Variants in CAMK2G observed in about 807,000 individuals in gnomAD.
The protein encoded by CAMK2G is calcium/calmodulin dependent protein kinase II gamma, also known as calcium/calmodulin-dependent protein kinase type II subunit gamma.
Under a neutral mutation model 88.7 loss-of-function variants are expected in CAMK2G, and 23 were observed. The ratio of observed to expected loss-of-function variants is 0.26; its 90% CI spans 0.19 to 0.37. The LOEUF (loss-of-function observed/expected upper bound fraction) is 0.37. Ranked by LOEUF, CAMK2G falls within the 10% of genes least tolerant of loss-of-function variation. CAMK2G has a pLI of 1.00. For synonymous variants in CAMK2G, 263 were observed against 294.8 expected, an observed-to-expected ratio of 0.89 and a Z score of 1.11; for missense variants, 476 against 780.8, an observed-to-expected ratio of 0.61 and a Z score of 4.65.
intron 2 of CAMK2G, among the ~76,000 whole-genome samples, chr10:73,863,310 T>C (rs1223914265): frequency 6.6e-6 from 1 of 152,216 alleles, no homozygotes; most frequent in East Asian, 1.9e-4. Context: ...CCAGATCACC[T>C]GGCATCCCTT....
rs181285104 is a variant in CAMK2G, at chr10:73,820,799, A to T, written c.1249+883T>A. On this transcript the variant is annotated intron_variant, in intron 18 of 22. Transcript: ENST00000423381. ...GCGATTCTCCCACCTCCGCCTCCCG[A>T]GTAGCTACGATTACAGGCACCTGCC... Among the ~76,000 whole-genome samples, 95 of 149,994 alleles carry T rather than the reference A, an allele frequency of 6.3e-4. 1 individual carries two copies. In the East Asian group the frequency reaches 0.015, roughly 24 times the overall value.
At chr10:73,861,470 C>T (rs1053541960) in intron 2 of CAMK2G, among the ~76,000 whole-genome samples, 2 of 152,202 alleles carry the variant, frequency 1.3e-5, no homozygotes, top group Non-Finnish European at 2.9e-5. Context: ...ATTCTCCTGC[C>T]TCAGCCTCCC....
At chr10:73,869,623 T>C (rs1221899576) in intron 2 of CAMK2G, among the ~76,000 whole-genome samples, 1 of 152,244 alleles carries the variant, frequency 6.6e-6, no homozygotes, top group African/African-American at 2.4e-5. Context: ...GTGGCTGGCA[T>C]ACGTCAGGCA....
chr10:73,847,700 T>C (rs1565383075), intron 9 of CAMK2G, among the ~76,000 whole-genome samples: 1 of 152,204 alleles, frequency 6.6e-6, no homozygotes, highest in African/African-American at 2.4e-5. Flanking sequence ...TTTGTCCCTG[T>C]GTTACACAGC....
In CAMK2G at chr10:73,813,179, G is replaced by A. The variant is rs923241041; in HGVS notation, c.*1339C>T. 3 of 152,668 alleles carry A rather than the reference G, an allele frequency of 2.0e-5. No individual in the cohort carries two copies. Among genetic ancestry groups the A allele is most frequent in the African/African-American group, 7.2e-5 (3 of 41,448 alleles). The allele number at this position is 152,668 out of a possible 1,614,324, so 9.5% of individuals were successfully genotyped here. The stretch of plus-strand genomic sequence containing the variant: ...TTAGGGTATAGATCTCTTCCTCCTG[G>A]AATGGAACTCCTTGAGCACAGAGAG... On this transcript the variant is annotated 3_prime_UTR_variant, in exon 23 of 23. Coordinates refer to ENST00000423381, the MANE Select transcript of CAMK2G (RefSeq NM_001367534.1).
Position 73,842,625 on chromosome 10 carries a change from A to G in CAMK2G, c.820-84T>C. 1.0e-6 allele frequency: 1 copy of G among 990,420 alleles called. No homozygotes were observed. Among genetic ancestry groups the G allele is most frequent in the Non-Finnish European group, 1.6e-6 (1 of 621,696 alleles). The allele number at this position is 990,420 out of a possible 1,614,324, so 61.4% of individuals were successfully genotyped here. On this transcript the variant is annotated intron_variant, in intron 10 of 22. Coordinates refer to ENST00000423381, the MANE Select transcript of CAMK2G (RefSeq NM_001367534.1). The surrounding 1 kb of genome is among the most constrained non-coding windows in gnomAD (Gnocchi z 4.6). ...TCCTGGCACCGATACCATGCCCAGGACAGGGTCATGCACTCAGCCACCCCA... is the reference window on the plus strand; with the variant it reads ...TCCTGGCACCGATACCATGCCCAGGGCAGGGTCATGCACTCAGCCACCCCA...
chr10:73,874,397 T>C lies in CAMK2G; in HGVS notation c.65A>G (p.Lys22Arg). ...GGGGACCGCGGCGGGCGGGCCGTAC[T>C]TGCCAAGCTCCTCGAAGAGCTGGTA... ...DDYQLFEELG[K>R]GAFSVVRRCV... The change falls in exon 1 of 23, where the codon AAG becomes AGG. Residue 22 changes from lysine (K) to arginine (R), a missense_variant and splice_region_variant. Coordinates refer to ENST00000423381, the MANE Select transcript of CAMK2G (RefSeq NM_001367534.1). 2 of 1,494,606 alleles carry C rather than the reference T, an allele frequency of 1.3e-6. No individual in the cohort carries two copies. The highest frequency in any genetic ancestry group is 9.0e-7 in the Non-Finnish European group (1 of 1,111,042). The allele number at this position is 1,494,606 out of a possible 1,614,324, so 92.6% of individuals were successfully genotyped here. A position where few individuals can be genotyped will look rare whatever the true frequency, so the allele number is the denominator to read the frequency against.
intron 1 of CAMK2G, chr10:73,873,543 C>T (rs1195497923): frequency 2.0e-6 from 2 of 999,004 alleles, no homozygotes; most frequent in African/African-American, 1.7e-5. Context: ...AAATCTCCCT[C>T]AACCATGGGG....
chr10:73,818,556 C>T (rs921717423), intron 19 of CAMK2G: 2 of 393,260 alleles, frequency 5.1e-6, no homozygotes, highest in Non-Finnish European at 1.0e-5. Context: ...AACAGCACCA[C>T]CACGGCCCAG....
chr10:73,819,857 C>G (rs369893442), intron 18 of CAMK2G, among the ~76,000 whole-genome samples: 1 of 152,232 alleles, frequency 6.6e-6, no homozygotes, highest in East Asian at 1.9e-4. Context: ...GGGCACCAGG[C>G]AGGTGCCCAG....
At chr10:73,822,261 G>A (rs1047382434) in intron 17 of CAMK2G, among the ~76,000 whole-genome samples, 5 of 152,060 alleles carry the variant, frequency 3.3e-5, no homozygotes, top group Non-Finnish European at 7.4e-5. Flanking sequence ...TCTGCCTCCC[G>A]GGTTCAAGTG....
At chr10:73,850,876 T>C (rs1216610809) in intron 5 of CAMK2G, among the ~76,000 whole-genome samples, 1 of 152,176 alleles carries the variant, frequency 6.6e-6, no homozygotes, top group Non-Finnish European at 1.5e-5. Context: ...AGATGTATAA[T>C]TAGAACAGAG....
intron 2 of CAMK2G, among the ~76,000 whole-genome samples, chr10:73,870,270 C>T (rs1249376389): frequency 6.6e-6 from 1 of 152,202 alleles, no homozygotes; most frequent in East Asian, 1.9e-4. Flanking sequence ...CATGGGCTCC[C>T]TTAAGAGCCC....
intron 15 of CAMK2G, among the ~76,000 whole-genome samples, chr10:73,827,367 TA>T (rs1218167070): frequency 1.3e-5 from 2 of 152,170 alleles, no homozygotes; most frequent in African/African-American, 4.8e-5. Flanking sequence ...TTTGCATTTT[TA>T]GTAGAGACAG....
At chr10:73,832,731 TC>T (rs2092645183) in intron 14 of CAMK2G, among the ~76,000 whole-genome samples, 1 of 152,208 alleles carries the variant, frequency 6.6e-6, no homozygotes, top group Non-Finnish European at 1.5e-5. Context: ...TAAGTAGATT[TC>T]CCATAATTAT....
intron 14 of CAMK2G, among the ~76,000 whole-genome samples, chr10:73,831,374 C>T (rs2092402469): frequency 6.6e-6 from 1 of 151,624 alleles, no homozygotes; most frequent in African/African-American, 2.4e-5. Context: ...CCCGTCTCTA[C>T]TAAAAATATA....
At chr10:73,815,795 C>A in intron 21 of CAMK2G, 3 of 985,456 alleles carry the variant, frequency 3.0e-6, no homozygotes, top group Non-Finnish European at 2.4e-6. Context: ...ATCATCAAAG[C>A]ACCAAGCTCA....
intron 10 of CAMK2G, among the ~76,000 whole-genome samples, chr10:73,844,877 G>C (rs2094113421): frequency 6.6e-6 from 1 of 152,150 alleles, no homozygotes; most frequent in African/African-American, 2.4e-5. Flanking sequence ...AATGGTCAGA[G>C]CCAGGGGATT....
At chr10:73,863,662 T>C (rs2095475136) in intron 2 of CAMK2G, among the ~76,000 whole-genome samples, 2 of 152,296 alleles carry the variant, frequency 1.3e-5, no homozygotes, top group African/African-American at 4.8e-5. Context: ...TCTCCTTCCT[T>C]AAGTCTCTTA....
Sources: gnomAD v4.1 joint callset for allele counts (sites outside exome capture counted in the v4.1 genomes callset) on GRCh38, gnomAD v4.1.1 for gene constraint, Gnocchi (gnomAD v3.1) non-coding constraint, MANE v1.5 for transcripts, NCBI Gene and HGNC (gene_info 2026-07-23, HGNC 2026-07-21) for gene names.